Variants in PTPRD observed in about 807,000 individuals in gnomAD.
The protein encoded by PTPRD is protein tyrosine phosphatase receptor type D.
PTPRD carries 34 observed loss-of-function variants against 214.5 expected under a neutral mutation model. The ratio of observed to expected loss-of-function variants is 0.16; its 90% CI spans 0.12 to 0.21. PTPRD has a LOEUF of 0.21. PTPRD is among the 10% of genes least tolerant of loss of function. The pLI, the probability that PTPRD is intolerant of heterozygous loss-of-function variation, is 1.00. For missense variants in PTPRD, 2,545 were observed against 2,398.7 expected, an observed-to-expected ratio of 1.06 and a Z score of -1.27; for synonymous variants, 1,128 against 845.7, an observed-to-expected ratio of 1.33 and a Z score of -5.79.
intron 2 of PTPRD, among the ~76,000 whole-genome samples, chr9:10,423,495 A>T (rs2098573114): frequency 6.6e-6 from 1 of 151,890 alleles, no homozygotes; most frequent in Admixed American, 6.6e-5. Context: ...CCTTGTTCTA[A>T]AGGAGATTAT....
chr9:8,448,561 C>T (rs933623100), intron 34 of PTPRD, among the ~76,000 whole-genome samples: 8 of 152,064 alleles, frequency 5.3e-5, no homozygotes, highest in African/African-American at 1.7e-4. Flanking sequence ...ATCATGTACA[C>T]GTTCCCGGTG....
chr9:9,019,778 A>G (rs1237428998), intron 10 of PTPRD, among the ~76,000 whole-genome samples: 2 of 152,218 alleles, frequency 1.3e-5, no homozygotes, highest in African/African-American at 4.8e-5. Flanking sequence ...ATACAAGTCC[A>G]TGAAAGTGTT....
chr9:8,701,408 G>A (rs1311111367), intron 12 of PTPRD: 1 of 152,182 alleles, frequency 6.6e-6, no homozygotes, highest in East Asian at 1.9e-4. Context: ...GCCGAGGTGA[G>A]CGGATCACTT....
At chr9:9,031,143 A>C (rs2099604014) in intron 10 of PTPRD, among the ~76,000 whole-genome samples, 1 of 152,032 alleles carries the variant, frequency 6.6e-6, no homozygotes, top group South Asian at 2.1e-4. Context: ...GTAAGATTTC[A>C]TGTGGTGACT....
chr9:8,712,544 GAAC>G (rs1432794549), intron 12 of PTPRD, among the ~76,000 whole-genome samples: 1 of 151,726 alleles, frequency 6.6e-6, no homozygotes, highest in Admixed American at 6.6e-5. Context: ...CCAGGATCCA[GAAC>G]AACAGTCATT....
chr9:8,937,508 CCTCTCCATT>C (rs1193991445), intron 11 of PTPRD, among the ~76,000 whole-genome samples: 1 of 152,134 alleles, frequency 6.6e-6, no homozygotes, highest in Non-Finnish European at 1.5e-5. Context: ...GTTCATCATG[CCTCTCCATT>C]CTCTCCTCTG....
intron 2 of PTPRD, among the ~76,000 whole-genome samples, chr9:10,465,202 C>T (rs958840377): frequency 2.0e-5 from 3 of 152,104 alleles, no homozygotes; most frequent in Non-Finnish European, 4.4e-5. Context: ...TGTAATTCAG[C>T]AAAGATCATT....
intron 10 of PTPRD, among the ~76,000 whole-genome samples, chr9:9,135,883 G>A (rs2099850050): frequency 6.7e-6 from 1 of 148,304 alleles, no homozygotes; most frequent in African/African-American, 2.5e-5. Context: ...TTCAAAAGTT[G>A]AGCAGGCATT....
chr9:10,511,413 G>T (rs1251528680), intron 2 of PTPRD, among the ~76,000 whole-genome samples: 2 of 151,670 alleles, frequency 1.3e-5, no homozygotes, highest in East Asian at 3.9e-4. Context: ...CTTTATTTAT[G>T]TATTTACTGA....
chr9:8,730,125 G>C (rs189887654), intron 12 of PTPRD, among the ~76,000 whole-genome samples: 1 of 152,054 alleles, frequency 6.6e-6, no homozygotes, highest in Non-Finnish European at 1.5e-5. Flanking sequence ...GCGAGGTGGC[G>C]GGCACCTGTA....
At chr9:9,784,662 A>G (rs576908302) in intron 5 of PTPRD, among the ~76,000 whole-genome samples, 30 of 152,070 alleles carry the variant, frequency 2.0e-4, no homozygotes, top group African/African-American at 4.8e-4. Flanking sequence ...AAGCAATTAC[A>G]AAGTATTTGT....
chr9:10,169,264 G>A (rs893159341), intron 3 of PTPRD, among the ~76,000 whole-genome samples: 4 of 151,680 alleles, frequency 2.6e-5, no homozygotes, highest in African/African-American at 9.7e-5. Context: ...CACGAGGTCA[G>A]GAGATCGAGA....
intron 7 of PTPRD, among the ~76,000 whole-genome samples, chr9:9,732,912 C>CA (rs112644963): frequency 0.59 from 87,674 of 147,998 alleles, 28,045 homozygotes; most frequent in African/African-American, 0.84. Flanking sequence ...ACCTTGTTTC[C>CA]AAAAAAAAAA....
In PTPRD at chr9:9,524,914, G is replaced by C. The variant is rs968334886; in HGVS notation, c.-237+49818C>G. Among the ~76,000 whole-genome samples the C allele has an allele frequency of 1.4e-4, 22 of 152,198 alleles. 1 individual carries two copies. Among genetic ancestry groups the C allele is most frequent in the African/African-American group, 5.1e-4 (21 of 41,460 alleles). On this transcript the variant is annotated intron_variant, in intron 8 of 45. Transcript: ENST00000381196. The stretch of plus-strand genomic sequence containing the variant: ...GCTCTGTTGCCCAGGCTGGAGTACA[G>C]TGGCGCAATCTCGGCTCACTGCAAG...
At chr9:9,911,946 G>C (rs1374289677) in intron 5 of PTPRD, among the ~76,000 whole-genome samples, 2 of 151,958 alleles carry the variant, frequency 1.3e-5, no homozygotes, top group East Asian at 3.9e-4. Flanking sequence ...TATGGAACCA[G>C]CTTATACTAC....
chr9:10,566,764 C>A (rs2065763198), intron 2 of PTPRD, among the ~76,000 whole-genome samples: 1 of 151,926 alleles, frequency 6.6e-6, no homozygotes, highest in African/African-American at 2.4e-5. Flanking sequence ...TACCTTGAGT[C>A]ATGAAGATAC....
intron 10 of PTPRD, among the ~76,000 whole-genome samples, chr9:9,110,661 C>T (rs1050861395): frequency 6.6e-6 from 1 of 152,038 alleles, no homozygotes; most frequent in African/African-American, 2.4e-5. Context: ...ATCAAATCAC[C>T]AAATAGCTCT....
chr9:9,276,579 C>T (rs995308945), intron 9 of PTPRD, among the ~76,000 whole-genome samples: 1 of 151,284 alleles, frequency 6.6e-6, no homozygotes, highest in African/African-American at 2.4e-5. Flanking sequence ...ATATTCTGCT[C>T]CTGTGACCTC....
intron 7 of PTPRD, among the ~76,000 whole-genome samples, chr9:9,726,649 A>T (rs1385102641): frequency 6.6e-6 from 1 of 152,192 alleles, no homozygotes; most frequent in Admixed American, 6.5e-5. Context: ...CCAATTCAGC[A>T]TCAACTAGAA....
Sources: allele counts gnomAD v4.1 joint callset (sites outside exome capture counted in the v4.1 genomes callset), GRCh38; gene constraint gnomAD v4.1.1; transcripts MANE v1.5; gene names NCBI Gene and HGNC (gene_info 2026-07-23, HGNC 2026-07-21).